ITGAM: variants seen among roughly 807,000 people sequenced by gnomAD.
ITGAM encodes integrin alpha-M.
Under a neutral mutation model 137.5 loss-of-function variants are expected in ITGAM, and 79 were observed. The observed-to-expected ratio is 0.57, with a 90% CI of 0.48 to 0.69. The LOEUF (loss-of-function observed/expected upper bound fraction) is 0.69, where lower values mean the gene tolerates loss of function less well. Ranked by LOEUF, ITGAM falls within the 30% of genes least tolerant of loss-of-function variation. The probability of loss-of-function intolerance (pLI) is 0.00; values close to 1 mark genes in which losing one functional copy is unlikely to be tolerated. For synonymous variants in ITGAM, 583 were observed against 592.3 expected (o/e 0.98, Z 0.23); for missense variants, 1,343 against 1,483.5 (o/e 0.91, Z 1.56).
In ITGAM at chr16:31,265,669, G is replaced by C. The variant is rs545878484; in HGVS notation, c.239-142G>C. ...AGACATCCCCAGGCAACCCCTCTGT[G>C]TTCCTTTCTTTCCCAAGATTTAGGA... On this transcript the variant is annotated intron_variant, in intron 3 of 29. Coordinates refer to ENST00000544665, the MANE Select transcript of ITGAM (RefSeq NM_000632.4). The C allele has an allele frequency of 1.1e-5, 9 of 805,702 alleles. No homozygotes were observed. In the East Asian group the frequency reaches 2.4e-4, roughly 21 times the overall value. 49.9% of individuals were successfully genotyped at this position (805,702 alleles called of 1,614,324 possible). A position where few individuals can be genotyped will look rare whatever the true frequency, so the allele number is the denominator to read the frequency against.
chr16:31,327,854 A>G (rs749200195), intron 22 of ITGAM, among the ~76,000 whole-genome samples: 24 of 152,040 alleles, frequency 1.6e-4, no homozygotes, highest in Non-Finnish European at 3.2e-4. Context: ...CGCCTCTGGG[A>G]GTGACATAAT....
intron 4 of ITGAM, 49 bp downstream of exon 4, chr16:31,265,930 C>T (rs1381180094): frequency 3.8e-6 from 6 of 1,599,702 alleles, no homozygotes; most frequent in Non-Finnish European, 5.1e-6. Flanking sequence ...TGTTTGGGGG[C>T]CCACGCATGG....
chr16:31,268,271 A>G (rs1429091227), intron 5 of ITGAM, among the ~76,000 whole-genome samples: 2 of 152,140 alleles, frequency 1.3e-5, no homozygotes. Flanking sequence ...TTCAGCTAAC[A>G]CTTCTACCTC....
chr16:31,281,635 G>T (rs191042805), intron 12 of ITGAM, among the ~76,000 whole-genome samples: 28 of 151,912 alleles, frequency 1.8e-4, no homozygotes, highest in African/African-American at 6.8e-4. Context: ...TCTTGCTAGC[G>T]GTCTATCAGT....
chr16:31,262,928 T>C (rs1403369520), intron 2 of ITGAM, among the ~76,000 whole-genome samples: 3 of 152,280 alleles, frequency 2.0e-5, no homozygotes, highest in African/African-American at 4.8e-5. Context: ...CATGCCATAA[T>C]TGGGAGATGC....
rs2079760739 is a variant in ITGAM at position 31,265,869 on chromosome 16, C to A, written c.297C>A (p.Pro99=). 1.9e-6 allele frequency: 3 copies of A among 1,613,758 alleles called. No individual in the cohort carries two copies. Among genetic ancestry groups the A allele is most frequent in the Non-Finnish European group, 2.5e-6 (3 of 1,179,988 alleles). Residue 99 remains proline, a synonymous_variant, in exon 4 of 30, where the codon CCC becomes CCA. Transcript: ENST00000544665. ...LGLSLAATTS[P]PQLLACGPTV... is the part of the protein sequence containing the mutation. ...TGTCCCTGGCAGCCACCACCAGCCC[C>A]CCTCAGCTGCTGGTGAGTGGGGCTC...
chr16:31,312,495 T>C (rs913171158), intron 14 of ITGAM, among the ~76,000 whole-genome samples: 3 of 152,196 alleles, frequency 2.0e-5, no homozygotes, highest in African/African-American at 4.8e-5. Context: ...GGTGCAATCA[T>C]GGCTCACTGC....
intron 28 of ITGAM, 67 bp downstream of exon 28, chr16:31,330,672 G>T: frequency 2.7e-6 from 3 of 1,118,724 alleles, no homozygotes; most frequent in Non-Finnish European, 3.8e-6. Flanking sequence ...ATTTCTGGGG[G>T]AGGAGAGAGA....
chr16:31,310,456 C>G (rs916526220), intron 14 of ITGAM, among the ~76,000 whole-genome samples: 2 of 148,730 alleles, frequency 1.3e-5, no homozygotes, highest in East Asian at 2.0e-4. Context: ...CGTCTTCCAT[C>G]GCTGATACCC....
chr16:31,275,653 G>C lies in ITGAM; in HGVS notation c.963G>C (p.Leu321=), dbSNP rs1290811188. The C allele has an allele frequency of 6.2e-7, 1 of 1,613,942 alleles. No homozygotes were observed. Among genetic ancestry groups the C allele is most frequent in the Non-Finnish European group, 8.5e-7 (1 of 1,179,870 alleles). Residue 321 remains leucine, a synonymous_variant, in exon 9 of 30, where the codon CTG becomes CTC. Coordinates refer to ENST00000544665, the MANE Select transcript of ITGAM (RefSeq NM_000632.4). ...TCCAGGTGAATAACTTTGAGGCTCT[G>C]AAGACCATTCAGAACCAGCTTCGGG... ...HVFQVNNFEA[L]KTIQNQLREK... is the part of the protein sequence containing the mutation.
At chr16:31,321,209 T>A in intron 14 of ITGAM, 32 bp from the exon 15 acceptor site, 6 of 1,612,370 alleles carry the variant, frequency 3.7e-6, no homozygotes, top group Non-Finnish European at 4.2e-6. Context: ...TTCCTACCCC[T>A]TTCTCTCTCC....
chr16:31,297,292 G>A (rs2080144158), intron 12 of ITGAM, among the ~76,000 whole-genome samples: 1 of 152,016 alleles, frequency 6.6e-6, no homozygotes, highest in Admixed American at 6.6e-5. Context: ...TCAGCCCCCC[G>A]AGGAGCTGGG....
chr16:31,273,819 C>T (rs968692201), intron 8 of ITGAM: 3 of 253,316 alleles, frequency 1.2e-5, no homozygotes, highest in Non-Finnish European at 2.3e-5. Flanking sequence ...TGGCCAGGCT[C>T]TCTCTGTTTC....
chr16:31,264,215 G>A lies in ITGAM; in HGVS notation c.135-1180G>A, dbSNP rs560206996. 1.0e-3 allele frequency among the ~76,000 whole-genome samples: 155 copies of A among 152,170 alleles called. 1 individual carries two copies. The highest frequency in any genetic ancestry group is 2.0e-4 in the East Asian group (1 of 5,096). The stretch of plus-strand genomic sequence containing the variant: ...TAATCCCAGCATTTTGGGAGGCCGA[G>A]CTGGGCTGGTCGCTGGAAGCCAGGA... On this transcript the variant is annotated intron_variant, in intron 2 of 29. Coordinates refer to ENST00000544665, the MANE Select transcript of ITGAM (RefSeq NM_000632.4).
chr16:31,331,537 C>T, intron 29 of ITGAM, 99 bp from the exon 30 acceptor site: 1 of 610,810 alleles, frequency 1.6e-6, no homozygotes, highest in Non-Finnish European at 2.9e-6. Flanking sequence ...CTCCTGGGTC[C>T]CTTCTGTCTC....
In ITGAM at chr16:31,331,855, A is replaced by AAGTGTCTG; in HGVS notation, c.*148_*149insAGTGTCTG. Reference sequence around the variant, plus strand: ...TCCATTTGTGTGTGTGCAAGTGTGTATGTGCGTGTGTGCAAGTGTCTGTGT... The same window carrying AAGTGTCTG: ...TCCATTTGTGTGTGTGCAAGTGTGTAAGTGTCTGTGTGCGTGTGTGCAAGTGTCTGTGT... On this transcript the variant is annotated 3_prime_UTR_variant, in exon 30 of 30. Coordinates refer to ENST00000544665, the MANE Select transcript of ITGAM (RefSeq NM_000632.4). 1 of 503,076 alleles carries AAGTGTCTG rather than the reference A, an allele frequency of 2.0e-6. No individual in the cohort carries two copies. The highest frequency in any genetic ancestry group is 2.4e-5 in the African/African-American group (1 of 41,150). The allele number at this position is 503,076 out of a possible 1,614,324, so 31.2% of individuals were successfully genotyped here.
intron 14 of ITGAM, among the ~76,000 whole-genome samples, chr16:31,301,451 A>C (rs1312349683): frequency 6.6e-6 from 1 of 152,140 alleles, no homozygotes; most frequent in Admixed American, 6.6e-5. Context: ...GTACCATACT[A>C]TTTTAAGTAC....
intron 14 of ITGAM, among the ~76,000 whole-genome samples, chr16:31,302,441 TTC>T (rs2080211274): frequency 9.1e-6 from 1 of 109,702 alleles, no homozygotes; most frequent in Admixed American, 8.2e-5. Flanking sequence ...CTTTCTTTCT[TTC>T]TTTCTTTCTT....
rs2142449074 is a variant in ITGAM at position 31,332,062 on chromosome 16, CAG to C, written c.*357_*358del. 1 of 248,884 alleles carries C rather than the reference CAG, an allele frequency of 4.0e-6. No homozygotes were observed. The highest frequency in any genetic ancestry group is 5.5e-5 in the Admixed American group (1 of 18,136). 15.4% of individuals were successfully genotyped at this position (248,884 alleles called of 1,614,324 possible). ...GGGCGTGTGGCTCACGTGTGTGACT[CAG>C]ATGTCTCTGGCGTGTGGGTAGGTGA... On this transcript the variant is annotated 3_prime_UTR_variant, in exon 30 of 30. Transcript: ENST00000544665.
Sources: allele counts gnomAD v4.1 joint callset (sites outside exome capture counted in the v4.1 genomes callset), GRCh38; gene constraint gnomAD v4.1.1; transcripts MANE v1.5; gene names NCBI Gene and HGNC (gene_info 2026-07-23, HGNC 2026-07-21).